PANK4: variants seen among roughly 807,000 people sequenced by gnomAD.
PANK4 encodes pantothenate kinase 4 (inactive).
In PANK4, 40 loss-of-function variants were observed where a neutral mutation model predicts 87.9. That is an observed-to-expected ratio of 0.46 (90% CI 0.35 to 0.59). The LOEUF (loss-of-function observed/expected upper bound fraction) is 0.59, where lower values mean the gene tolerates loss of function less well. Ranked by LOEUF, PANK4 falls within the 20% of genes least tolerant of loss-of-function variation. The pLI is 0.00. For missense variants in PANK4, 926 were observed against 1,072.3 expected (o/e 0.86, Z 1.90); for synonymous variants, 524 against 467.4 (o/e 1.12, Z -1.56).
Position 2,520,170 on chromosome 1 carries a change from A to G in PANK4, c.699+152T>C. On this transcript the variant is annotated intron_variant, in intron 5 of 18. Transcript: ENST00000378466. The surrounding 1 kb of genome is among the most constrained non-coding windows in gnomAD (Gnocchi z 6.2). Reference sequence around the variant, plus strand: ...CTGGGACACCCAACCCTCAGGGCGCAAAGAGTGAAGCCGCAGAGGCCAGAG... The same window carrying G: ...CTGGGACACCCAACCCTCAGGGCGCGAAGAGTGAAGCCGCAGAGGCCAGAG... 1 of 802,236 alleles carries G rather than the reference A, an allele frequency of 1.2e-6. No homozygotes were observed. The highest frequency in any genetic ancestry group is 1.7e-5 in the South Asian group (1 of 58,702). The allele number at this position is 802,236 out of a possible 1,614,324, so 49.7% of individuals were successfully genotyped here. A position where few individuals can be genotyped will look rare whatever the true frequency, so the allele number is the denominator to read the frequency against.
rs1245585940 is a variant in PANK4, at chr1:2,509,355, G to A, written c.2109-295C>T. On this transcript the variant is annotated intron_variant, in intron 18 of 18. Transcript: ENST00000378466. This position sits in a 1 kb window ranked among gnomAD's most constrained non-coding sequence, Gnocchi z 4.9. Reference sequence around the variant, plus strand: ...CTCCTTGTTGGTGAGAGTGGGGCTGGGGCACAGATGAAGCCAGCACTGGAG... The same window carrying A: ...CTCCTTGTTGGTGAGAGTGGGGCTGAGGCACAGATGAAGCCAGCACTGGAG... 2.6e-5 allele frequency among the ~76,000 whole-genome samples: 4 copies of A among 152,146 alleles called. No individual in the cohort carries two copies. The highest frequency in any genetic ancestry group is 9.7e-5 in the African/African-American group (4 of 41,440).
At chr1:2,521,039 G>C (rs1643870701) in intron 3 of PANK4, 62 bp downstream of exon 3, 1 of 1,542,136 alleles carries the variant, frequency 6.5e-7, no homozygotes. Flanking sequence ...CGCGGCTCTG[G>C]GACACCCAGG....
At position 2,515,888 on chromosome 1, in the gene PANK4, C is replaced by T; in HGVS notation, c.1219-171G>A. On this transcript the variant is annotated intron_variant, in intron 9 of 18. Transcript: ENST00000378466. The surrounding 1 kb of genome is among the most constrained non-coding windows in gnomAD (Gnocchi z 5.0). ...TGGGCCCCCTCAGCTGCCCGGCGGC[C>T]TGAGCCGGATACCTTGACTTACCCC... The T allele has an allele frequency of 1.5e-6, 1 of 680,104 alleles. No homozygotes were observed. 42.1% of individuals were successfully genotyped at this position (680,104 alleles called of 1,614,324 possible).
rs751057158 is a variant in PANK4, at chr1:2,520,755, C to T, written c.574G>A (p.Val192Ile). Residue 192 changes from valine to isoleucine, a missense_variant, in exon 4 of 19, where the codon GTC becomes ATC. Transcript: ENST00000378466. The surrounding 1 kb of genome is among the most constrained non-coding windows in gnomAD (Gnocchi z 6.2). ...NHPHIFPYLL[V>I]NIGSGVSIVK... ...ATGGAGACTCCAGAGCCGATATTGA[C>T]AAGAAGATAGGGGAAAATGTGGGGG... The T allele has an allele frequency of 6.2e-7, 1 of 1,613,444 alleles. No individual in the cohort carries two copies. Among genetic ancestry groups the T allele is most frequent in the East Asian group, 2.2e-5 (1 of 44,884 alleles).
intron 9 of PANK4, among the ~76,000 whole-genome samples, chr1:2,517,453 G>A (rs1007582693): frequency 1.3e-5 from 2 of 152,272 alleles, no homozygotes; most frequent in Non-Finnish European, 2.9e-5. Flanking sequence ...CGTGACCTCA[G>A]GTTAACTGCT....
rs754164373 is a variant in PANK4 at position 2,509,870 on chromosome 1, G to A, written c.2100C>T (p.Leu700=). ...GCAGGGTGCGGGGTTACCTGAGGTC[G>A]AGGCACGGGGAGCTGGAGCCCGTCT... ...LVQTGSSSPC[L]DLSRLDKGLA... is the part of the protein sequence containing the mutation. Residue 700 remains leucine (L), a synonymous_variant, in exon 18 of 19, where the codon CTC becomes CTT. Transcript: ENST00000378466. This position sits in a 1 kb window ranked among gnomAD's most constrained non-coding sequence, Gnocchi z 4.9. 6.2e-6 allele frequency: 10 copies of A among 1,611,520 alleles called. No homozygotes were observed. The highest frequency in any genetic ancestry group is 5.3e-5 in the African/African-American group (4 of 74,872).
Position 2,509,407 on chromosome 1 carries a change from G to C in PANK4, c.2109-347C>G, listed in dbSNP as rs889989213. Among the ~76,000 whole-genome samples, 13 of 152,288 alleles carry C rather than the reference G, an allele frequency of 8.5e-5. No individual in the cohort carries two copies. Among genetic ancestry groups the C allele is most frequent in the African/African-American group, 3.1e-4 (13 of 41,550 alleles). On this transcript the variant is annotated intron_variant, in intron 18 of 18. Coordinates refer to ENST00000378466, the MANE Select transcript of PANK4 (RefSeq NM_018216.4). The surrounding 1 kb of genome is among the most constrained non-coding windows in gnomAD (Gnocchi z 4.9). ...ATCCCACCAGGCAGAGCAGACCAGC[G>C]GCCCCAGCACTCAGAACCCGCTCAT...
chr1:2,514,157 G>A lies in PANK4; in HGVS notation c.1488-68C>T, dbSNP rs1250348871. 3 of 1,380,602 alleles carry A rather than the reference G, an allele frequency of 2.2e-6. No homozygotes were observed. The African/African-American group carries it at 4.3e-5, about 20-fold the overall frequency. The allele number at this position is 1,380,602 out of a possible 1,614,324, so 85.5% of individuals were successfully genotyped here. On this transcript the variant is annotated intron_variant, in intron 11 of 18. Coordinates refer to ENST00000378466, the MANE Select transcript of PANK4 (RefSeq NM_018216.4). Reference sequence around the variant, plus strand: ...AACACCCGCCCGTCTGCCATCCTCGGCTGTGCCACGGACGTCCTCAGGAGC... The same window carrying A: ...AACACCCGCCCGTCTGCCATCCTCGACTGTGCCACGGACGTCCTCAGGAGC...
intron 9 of PANK4, among the ~76,000 whole-genome samples, chr1:2,516,868 C>T (rs1206301015): frequency 6.6e-6 from 1 of 152,220 alleles, no homozygotes; most frequent in Non-Finnish European, 1.5e-5. Flanking sequence ...TTCGCTTTGA[C>T]TTTTTTGGAC....
chr1:2,521,680 C>A (rs766864810), intron 2 of PANK4, 38 bp downstream of exon 2: 3 of 1,505,816 alleles, frequency 2.0e-6, no homozygotes, highest in Admixed American at 3.3e-5. Flanking sequence ...GACAGAGAAG[C>A]GGCTGCCCTG....
chr1:2,514,891 A>G (rs2477713), intron 10 of PANK4, among the ~76,000 whole-genome samples: 56,793 of 151,892 alleles, frequency 0.37, 13,406 homozygotes, highest in African/African-American at 0.66. Flanking sequence ...ACCCGAGGCC[A>G]AGACCCACGT....
intron 9 of PANK4, among the ~76,000 whole-genome samples, chr1:2,516,938 T>G (rs1360552644): frequency 6.6e-6 from 1 of 152,226 alleles, no homozygotes; most frequent in Non-Finnish European, 1.5e-5. Flanking sequence ...CTCAGTAAGG[T>G]GGGGGCCCCT....
intron 9 of PANK4, among the ~76,000 whole-genome samples, chr1:2,517,927 G>GT (rs1643812267): frequency 6.6e-6 from 1 of 152,228 alleles, no homozygotes; most frequent in African/African-American, 2.4e-5. Flanking sequence ...CACAGACTCC[G>GT]TAATTCCTGC....
At chr1:2,525,466 G>A (rs1643912923) in intron 1 of PANK4, 1 of 152,112 alleles carries the variant, frequency 6.6e-6, no homozygotes, top group African/African-American at 2.4e-5. Flanking sequence ...ATTCAAGGGG[G>A]GTTTCTCCAG....
Position 2,514,029 on chromosome 1 carries a change from C to G in PANK4, c.1548G>C (p.Glu516Asp), listed in dbSNP as rs1417000645. 5.0e-6 allele frequency: 8 copies of G among 1,612,818 alleles called. No homozygotes were observed. In the South Asian group the frequency reaches 8.8e-5, roughly 18 times the overall value. Residue 516 changes from glutamate (E) to aspartate (D), a missense_variant, in exon 12 of 19, where the codon GAG becomes GAC. Transcript: ENST00000378466. ...TGGAGTAGGGATCCGGGAAGTTGAACTCGTTCAGACAGTGCTCCCTGGTGT... is the reference window on the plus strand; with the variant it reads ...TGGAGTAGGGATCCGGGAAGTTGAAGTCGTTCAGACAGTGCTCCCTGGTGT... ...LLDTREHCLN[E>D]FNFPDPYSKV...
In PANK4 at chr1:2,519,760, C is replaced by A; in HGVS notation, c.853+41G>T. ...CCTGTCCGTGAGACCCCAAGTGTCCCCACCATCCTGCTCTCTGGCGGCAGA... is the reference window on the plus strand; with the variant it reads ...CCTGTCCGTGAGACCCCAAGTGTCCACACCATCCTGCTCTCTGGCGGCAGA... On this transcript the variant is annotated intron_variant, in intron 6 of 18. Coordinates refer to ENST00000378466, the MANE Select transcript of PANK4 (RefSeq NM_018216.4). This position sits in a 1 kb window ranked among gnomAD's most constrained non-coding sequence, Gnocchi z 8.3. 1 of 1,526,046 alleles carries A rather than the reference C, an allele frequency of 6.6e-7. No individual in the cohort carries two copies. Among genetic ancestry groups the A allele is most frequent in the Non-Finnish European group, 8.8e-7 (1 of 1,135,170 alleles). 94.5% of individuals were successfully genotyped at this position (1,526,046 alleles called of 1,614,324 possible). A position where few individuals can be genotyped will look rare whatever the true frequency, so the allele number is the denominator to read the frequency against.
Position 2,515,453 on chromosome 1 carries a change from G to A in PANK4, c.1374+109C>T, listed in dbSNP as rs1469932698. On this transcript the variant is annotated intron_variant, in intron 10 of 18. Coordinates refer to ENST00000378466, the MANE Select transcript of PANK4 (RefSeq NM_018216.4). The surrounding 1 kb of genome is among the most constrained non-coding windows in gnomAD (Gnocchi z 5.0). Reference sequence around the variant, plus strand: ...TCAGACGCAGATCAAGGGGTTTCTGGACAACACTGGCCTGTCCCCCTTCGC... The same window carrying A: ...TCAGACGCAGATCAAGGGGTTTCTGAACAACACTGGCCTGTCCCCCTTCGC... The A allele has an allele frequency of 3.0e-5, 38 of 1,253,282 alleles. No individual in the cohort carries two copies. Among genetic ancestry groups the A allele is most frequent in the Non-Finnish European group, 4.2e-5 (36 of 862,524 alleles). The allele number at this position is 1,253,282 out of a possible 1,614,324, so 77.6% of individuals were successfully genotyped here.
In PANK4 at chr1:2,514,100, A is replaced by T; in HGVS notation, c.1488-11T>A. The T allele has an allele frequency of 6.2e-7, 1 of 1,607,038 alleles. No homozygotes were observed. The stretch of plus-strand genomic sequence containing the variant: ...AGGGTCCCATAGGCGCTGGGGACAG[A>T]CACGGCAGAGGGCGCTGAGCAGGGC... On this transcript the variant is annotated splice_polypyrimidine_tract_variant and intron_variant, in intron 11 of 18. Transcript: ENST00000378466.
chr1:2,519,287 G>A lies in PANK4; in HGVS notation c.891C>T (p.His297=), dbSNP rs1643842507. The A allele has an allele frequency of 6.2e-7, 1 of 1,611,592 alleles. No homozygotes were observed. The highest frequency in any genetic ancestry group is 8.5e-7 in the Non-Finnish European group (1 of 1,179,182). ...SKEDMAKSLL[H]MISNDIGQLA... is the part of the protein sequence containing the mutation. ...GCTGCCCAATGTCGTTGCTGATCAT[G>A]TGCAGCAGGCTCTTCGCCATGTCTT... The change falls in exon 7 of 19, where the codon CAC becomes CAT. Residue 297 remains histidine, a synonymous_variant. Coordinates refer to ENST00000378466, the MANE Select transcript of PANK4 (RefSeq NM_018216.4). This position sits in a 1 kb window ranked among gnomAD's most constrained non-coding sequence, Gnocchi z 8.3.
Sources: allele counts gnomAD v4.1 joint callset (sites outside exome capture counted in the v4.1 genomes callset), GRCh38; gene constraint gnomAD v4.1.1; non-coding constraint Gnocchi (gnomAD v3.1); transcripts MANE v1.5; gene names NCBI Gene and HGNC (gene_info 2026-07-23, HGNC 2026-07-21).